The following SFTPD variants were observed in gnomAD, a reference collection of about 807,000 sequenced individuals.
SFTPD encodes the protein pulmonary surfactant-associated protein D.
A neutral mutation model predicts 34.6 loss-of-function variants in SFTPD; 18 were observed. The ratio of observed to expected loss-of-function variants is 0.52; its 90% CI spans 0.36 to 0.77. SFTPD has a LOEUF of 0.77. SFTPD is among the 30% of genes least tolerant of loss of function. The pLI is 0.00. For synonymous variants in SFTPD, 155 were observed against 180.9 expected, an observed-to-expected ratio of 0.86 and a Z score of 1.15; for missense variants, 433 against 468.9, an observed-to-expected ratio of 0.92 and a Z score of 0.71.
intron 3 of SFTPD, 106 bp from the exon 4 acceptor site, chr10:79,942,610 C>T (rs1842625438): frequency 2.2e-6 from 2 of 922,014 alleles, no homozygotes; most frequent in South Asian, 1.4e-5. Flanking sequence ...GCATTGTTGT[C>T]CTCCCAACAG....
At chr10:79,981,968 C>CGT in intron 1 of SFTPD, 1 of 309,604 alleles carries the variant, frequency 3.2e-6, no homozygotes, top group Non-Finnish European at 6.0e-6. Flanking sequence ...CCTTGTCTCC[C>CGT]GTGCCCGCGT....
chr10:79,963,915 T>C (rs533362055), intron 1 of SFTPD, among the ~76,000 whole-genome samples: 73 of 152,240 alleles, frequency 4.8e-4, no homozygotes, highest in African/African-American at 1.6e-3. Flanking sequence ...TATCTGTATC[T>C]CTCTAATCCA....
At chr10:79,976,079 C>T (rs530570336) in intron 1 of SFTPD, among the ~76,000 whole-genome samples, 1,633 of 152,244 alleles carry the variant, frequency 0.011, 16 homozygotes, top group Non-Finnish European at 0.016. Flanking sequence ...GGGGCCTGTT[C>T]CCAACACAGA....
At chr10:79,963,330 G>C (rs914553665) in intron 1 of SFTPD, among the ~76,000 whole-genome samples, 1 of 149,276 alleles carries the variant, frequency 6.7e-6, no homozygotes, top group Non-Finnish European at 1.5e-5. Context: ...GCCTGAGTGA[G>C]AGTGAGACCG....
chr10:79,937,780 A>C lies in SFTPD; in HGVS notation c.*72T>G. The C allele has an allele frequency of 6.9e-7, 1 of 1,443,376 alleles. No homozygotes were observed. Among genetic ancestry groups the C allele is most frequent in the Non-Finnish European group, 9.3e-7 (1 of 1,075,748 alleles). 89.4% of individuals were successfully genotyped at this position (1,443,376 alleles called of 1,614,324 possible). A position where few individuals can be genotyped will look rare whatever the true frequency, so the allele number is the denominator to read the frequency against. ...GTCACCTTTTTATTAGGATATTGGCAGCATGAGGGTCTAAGCCTTGACTTC... is the reference window on the plus strand; with the variant it reads ...GTCACCTTTTTATTAGGATATTGGCCGCATGAGGGTCTAAGCCTTGACTTC... On this transcript the variant is annotated 3_prime_UTR_variant, in exon 8 of 8. Transcript: ENST00000372292.
Position 79,966,595 on chromosome 10 carries a change from C to A in SFTPD, c.36+15980G>T. On this transcript the variant is annotated intron_variant, in intron 1 of 5. Coordinates refer to the SFTPD transcript ENST00000444384. ...AGAAGCTCTTTAGTTTAATTAGATC[C>A]CATTTGTCAATTTTGGCTTTTGTTG... 1.4e-5 allele frequency among the ~76,000 whole-genome samples: 2 copies of A among 146,504 alleles called. 1 individual carries two copies. The highest frequency in any genetic ancestry group is 4.9e-4 in the East Asian group (2 of 4,072).
rs79127259 is a variant in SFTPD, at chr10:79,977,968, G to A, written c.36+4607C>T. ...TTATTAAGCAGTGCAATCTTTGTCTGAGTTCAAGAATTTCTTGACTTACCC... is the reference window on the plus strand; with the variant it reads ...TTATTAAGCAGTGCAATCTTTGTCTAAGTTCAAGAATTTCTTGACTTACCC... On this transcript the variant is annotated intron_variant, in intron 1 of 5. Transcript: ENST00000444384. 4.9e-4 allele frequency among the ~76,000 whole-genome samples: 75 copies of A among 152,304 alleles called. 1 individual carries two copies. In the East Asian group the frequency reaches 0.012, roughly 24 times the overall value.
At position 79,941,519 on chromosome 10, in the gene SFTPD, G is replaced by C; in HGVS notation, c.551-5C>G. ...GACCCATGGCTCCAGCAGACCCTGG[G>C]GTAAAAGAAGAACTGGGTGAGCTAT... On this transcript the variant is annotated splice_polypyrimidine_tract_variant and splice_region_variant and intron_variant, in intron 5 of 7. Transcript: ENST00000372292. 1 of 1,584,832 alleles carries C rather than the reference G, an allele frequency of 6.3e-7. No homozygotes were observed. Among genetic ancestry groups the C allele is most frequent in the Non-Finnish European group, 8.6e-7 (1 of 1,168,850 alleles).
intron 1 of SFTPD, among the ~76,000 whole-genome samples, chr10:79,954,693 A>G (rs572095018): frequency 4.8e-4 from 73 of 152,194 alleles, no homozygotes; most frequent in African/African-American, 1.6e-3. Flanking sequence ...CTAGCCTTCT[A>G]TTGGGGCCCT....
intron 2 of SFTPD, among the ~76,000 whole-genome samples, chr10:79,943,116 A>G (rs545130337): frequency 1.9e-4 from 29 of 152,250 alleles, no homozygotes; most frequent in South Asian, 1.2e-3. Flanking sequence ...CTGACCTTCT[A>G]TGCGGTGCTC....
intron 1 of SFTPD, among the ~76,000 whole-genome samples, chr10:79,958,695 G>A (rs202185196): frequency 3.3e-5 from 5 of 152,108 alleles, no homozygotes; most frequent in African/African-American, 1.2e-4. Context: ...AATAATAATG[G>A]GAGACTTTAA....
At chr10:79,982,291 C>T in intron 1 of SFTPD, 1 of 1,011,960 alleles carries the variant, frequency 9.9e-7, no homozygotes, top group East Asian at 3.7e-5. Flanking sequence ...CGGGGCGGTT[C>T]CCGGCTCAGG....
chr10:79,962,982 T>C (rs879876530), intron 1 of SFTPD, among the ~76,000 whole-genome samples: 7 of 152,180 alleles, frequency 4.6e-5, no homozygotes, highest in African/African-American at 1.2e-4. Flanking sequence ...TATCTATCTA[T>C]CATTTATCTA....
upstream of SFTPD, chr10:79,950,891 T>G (rs901199826): frequency 7.9e-5 from 12 of 152,112 alleles, no homozygotes; most frequent in African/African-American, 2.9e-4. Context: ...AATTTATTTT[T>G]TCTGTATTTC....
At chr10:79,955,146 C>T (rs930788023) in intron 1 of SFTPD, among the ~76,000 whole-genome samples, 11 of 152,092 alleles carry the variant, frequency 7.2e-5, no homozygotes, top group Admixed American at 3.3e-4. Context: ...TTTGACTCCA[C>T]CAGACTTCGT....
At chr10:79,956,235 G>C (rs538089320) in intron 1 of SFTPD, among the ~76,000 whole-genome samples, 35 of 152,378 alleles carry the variant, frequency 2.3e-4, no homozygotes, top group Non-Finnish European at 4.9e-4. Context: ...CGACACAGAA[G>C]ACGGGTGATT....
At chr10:79,942,711 T>C in intron 3 of SFTPD, 52 bp downstream of exon 3, 1 of 1,275,650 alleles carries the variant, frequency 7.8e-7, no homozygotes. Context: ...GGCATATCCT[T>C]GCAGCTGCAC....
At chr10:79,958,182 G>C (rs1226372551) in intron 1 of SFTPD, among the ~76,000 whole-genome samples, 1 of 152,196 alleles carries the variant, frequency 6.6e-6, no homozygotes, top group Non-Finnish European at 1.5e-5. Context: ...ACTGGTACCA[G>C]CCACTGCAAA....
rs1202865787 is a variant in SFTPD, at chr10:79,959,810, C to T, written c.37-13148G>A. Among the ~76,000 whole-genome samples the T allele has an allele frequency of 4.6e-5, 7 of 152,134 alleles. No individual in the cohort carries two copies. The South Asian group carries it at 1.2e-3, about 27-fold the overall frequency. ...ACTCATTTTATGAGGCCAGCATCAT[C>T]TTGATACCAAAGCCTGGCAGAAACA... On this transcript the variant is annotated intron_variant, in intron 1 of 5. Transcript: ENST00000444384.
Sources: allele counts gnomAD v4.1 joint callset (sites outside exome capture counted in the v4.1 genomes callset), GRCh38; gene constraint gnomAD v4.1.1; transcripts MANE v1.5; gene names NCBI Gene and HGNC (gene_info 2026-07-23, HGNC 2026-07-21).